The following NLGN4X variants were observed in gnomAD, a reference collection of about 807,000 sequenced individuals.
NLGN4X encodes the protein neuroligin 4 X-linked, also known as neuroligin-4, X-linked.
A neutral mutation model predicts 40.3 loss-of-function variants in NLGN4X; 3 were observed. That is an observed-to-expected ratio of 0.07 (90% CI 0.03 to 0.19). The LOEUF (loss-of-function observed/expected upper bound fraction) is 0.19. Ranked by LOEUF, NLGN4X falls within the 10% of genes least tolerant of loss-of-function variation. The probability of loss-of-function intolerance (pLI) is 1.00; values close to 1 mark genes in which losing one functional copy is unlikely to be tolerated. For missense variants in NLGN4X, 382 were observed against 708.3 expected (o/e 0.54, Z 5.23); for synonymous variants, 270 against 306.8 (o/e 0.88, Z 1.25).
At chrX:6,110,248 G>A (rs1311716791) in intron 2 of NLGN4X, among the ~76,000 whole-genome samples, 1 of 111,545 alleles carries the variant, frequency 9.0e-6, no homozygotes, top group Non-Finnish European at 1.9e-5. Flanking sequence ...AGGGGGTGGG[G>A]GCAGGCTGCT....
chrX:6,026,523 G>A (rs758942691), intron 3 of NLGN4X, among the ~76,000 whole-genome samples: 5 of 111,514 alleles, frequency 4.5e-5, no homozygotes, highest in South Asian at 7.6e-4. Flanking sequence ...AGTAAATGCC[G>A]CCTAGCTGTT....
chrX:6,220,595 G>A (rs1233446571), intron 1 of NLGN4X, among the ~76,000 whole-genome samples: 1 of 108,160 alleles, frequency 9.2e-6, no homozygotes, highest in Non-Finnish European at 1.9e-5. Context: ...GAAAAAAAAA[G>A]CTTCCAGGAG....
rs775949619 is a variant in NLGN4X at position 6,006,347 on chromosome X, T to C, written c.625+22933A>G. On this transcript the variant is annotated intron_variant, in intron 3 of 5. Transcript: ENST00000381095. Reference sequence around the variant, plus strand: ...TGTGGGCAGATATCTAATAGTTGCATATGCAGCTGAAAATATAAAGTAATC... The same window carrying C: ...TGTGGGCAGATATCTAATAGTTGCACATGCAGCTGAAAATATAAAGTAATC... 3.6e-5 allele frequency among the ~76,000 whole-genome samples: 4 copies of C among 110,942 alleles called. No individual in the cohort carries two copies. In the South Asian group the frequency reaches 1.5e-3, roughly 42 times the overall value.
Position 5,945,573 on chromosome X carries a change from T to C in NLGN4X, c.626-36334A>G, listed in dbSNP as rs889205743. Among the ~76,000 whole-genome samples, 8 of 111,557 alleles carry C rather than the reference T, an allele frequency of 7.2e-5. No individual in the cohort carries two copies. The East Asian group carries it at 2.3e-3, about 32-fold the overall frequency. On this transcript the variant is annotated intron_variant, in intron 3 of 5. Coordinates refer to ENST00000381095, the MANE Select transcript of NLGN4X (RefSeq NM_181332.3). Reference sequence around the variant, plus strand: ...ACATAAATACATGATTTCACAGCCATGGCGCTTGTCTGGAATCAGGAAACA... The same window carrying C: ...ACATAAATACATGATTTCACAGCCACGGCGCTTGTCTGGAATCAGGAAACA...
chrX:6,126,031 A>G (rs1484827233), intron 2 of NLGN4X, among the ~76,000 whole-genome samples: 4 of 111,060 alleles, frequency 3.6e-5, no homozygotes, highest in Non-Finnish European at 5.7e-5. Flanking sequence ...CCCGAAATTG[A>G]ATATATATTT....
intron 2 of NLGN4X, among the ~76,000 whole-genome samples, chrX:6,135,846 G>C (rs983275607): frequency 6.3e-5 from 7 of 111,729 alleles, no homozygotes; most frequent in Non-Finnish European, 1.3e-4. Flanking sequence ...GCAATGATTA[G>C]ACCTGAGGAC....
At chrX:5,986,475 A>G (rs1386107207) in intron 3 of NLGN4X, among the ~76,000 whole-genome samples, 1 of 112,325 alleles carries the variant, frequency 8.9e-6, no homozygotes, top group Non-Finnish European at 1.9e-5. Flanking sequence ...CAGATAAAAT[A>G]AAAGGAAATC....
intron 2 of NLGN4X, among the ~76,000 whole-genome samples, chrX:6,056,402 G>C (rs1200138019): frequency 9.0e-6 from 1 of 110,604 alleles, no homozygotes; most frequent in Non-Finnish European, 1.9e-5. Flanking sequence ...TTTGAACCTG[G>C]GAGGCGGAGG....
At chrX:6,147,349 A>T (rs2040071191) in intron 2 of NLGN4X, among the ~76,000 whole-genome samples, 1 of 111,589 alleles carries the variant, frequency 9.0e-6, no homozygotes, top group Admixed American at 9.6e-5. Context: ...ATCTTGTCTG[A>T]GCAACTCCTT....
intron 3 of NLGN4X, among the ~76,000 whole-genome samples, chrX:5,993,629 A>AC (rs2035743635): frequency 8.9e-6 from 1 of 112,305 alleles, no homozygotes; most frequent in Admixed American, 9.4e-5. Flanking sequence ...GGCTGGCCAC[A>AC]CCATACTTGG....
chrX:5,923,378 C>A (rs993655203), intron 3 of NLGN4X, among the ~76,000 whole-genome samples: 15 of 112,513 alleles, frequency 1.3e-4, no homozygotes, highest in African/African-American at 4.2e-4. Flanking sequence ...AAAGCTCAAG[C>A]GATCTGCCTG....
intron 3 of NLGN4X, among the ~76,000 whole-genome samples, chrX:5,968,832 C>T (rs1271118344): frequency 9.2e-6 from 1 of 109,115 alleles, no homozygotes; most frequent in Admixed American, 9.9e-5. Context: ...ATGTCTCCCC[C>T]ACCTATTTCT....
In NLGN4X at chrX:5,893,235, G is replaced by A. The variant is rs2146685028; in HGVS notation, c.2033C>T (p.Thr678Ile). The change falls in exon 6 of 6, where the codon ACC (threonine) becomes ATC (isoleucine). Residue 678 changes from threonine to isoleucine, a missense_variant. Physicochemically the swap from Thr to Ile is moderately conservative, Grantham distance 89. This residue lies in a region of NLGN4X where 149 missense variants were observed against 375.8 expected (regional missense o/e 0.40). Coordinates refer to ENST00000381095, the MANE Select transcript of NLGN4X (RefSeq NM_181332.3). Reference protein sequence around the residue: ...KRDYSTELSVTIAVGASLLFL... With the variant: ...KRDYSTELSVIIAVGASLLFL... Reference sequence around the variant, plus strand: ...GAGGAGCGACGCCCCGACGGCAATGGTGACACTTAATTCGGTGGAATAATC... The same window carrying A: ...GAGGAGCGACGCCCCGACGGCAATGATGACACTTAATTCGGTGGAATAATC... 1 of 1,211,371 alleles carries A rather than the reference G, an allele frequency of 8.3e-7. No homozygotes were observed. Among genetic ancestry groups the A allele is most frequent in the Non-Finnish European group, 1.1e-6 (1 of 895,408 alleles).
intron 2 of NLGN4X, among the ~76,000 whole-genome samples, chrX:6,142,666 A>G (rs762940518): frequency 2.7e-5 from 3 of 112,418 alleles, no homozygotes; most frequent in South Asian, 7.4e-4. Flanking sequence ...GTGTCTAGAC[A>G]AGAAGAGAAA....
chrX:5,890,238 T>C lies in NLGN4X; in HGVS notation c.*2579A>G, dbSNP rs893777965. On this transcript the variant is annotated 3_prime_UTR_variant, in exon 6 of 6. Coordinates refer to ENST00000381095, the MANE Select transcript of NLGN4X (RefSeq NM_181332.3). ...AAGCCTAGGACAGGATTTTTTTTTT[T>C]CTTACTTTTTTCTCATTTTTTTTCT... is the stretch of plus-strand genomic sequence containing the variant. 4.1e-5 allele frequency: 7 copies of C among 171,444 alleles called. No individual in the cohort carries two copies. Among genetic ancestry groups the C allele is most frequent in the Non-Finnish European group, 7.5e-5 (7 of 93,803 alleles). 14.1% of individuals were successfully genotyped at this position (171,444 alleles called of 1,213,427 possible). A position where few individuals can be genotyped will look rare whatever the true frequency, so the allele number is the denominator to read the frequency against.
In NLGN4X at chrX:5,903,884, T is replaced by C. The variant is rs9698743; in HGVS notation, c.812-18A>G. 3.1e-5 allele frequency: 38 copies of C among 1,209,653 alleles called. No individual in the cohort carries two copies. Among genetic ancestry groups the C allele is most frequent in the African/African-American group, 1.7e-4 (10 of 57,260 alleles). The stretch of plus-strand genomic sequence containing the variant: ...GAAGAGACCTGCAGGTGCAAAATTG[T>C]GGACATGCAAATGAAAACCCACAGG... On this transcript the variant is annotated intron_variant, in intron 4 of 5. Transcript: ENST00000381095.
intron 2 of NLGN4X, among the ~76,000 whole-genome samples, chrX:6,104,823 C>T (rs1457393793): frequency 9.0e-6 from 1 of 111,049 alleles, no homozygotes; most frequent in African/African-American, 3.3e-5. Context: ...AGGTCAGGAG[C>T]ACGGACAATG....
intron 3 of NLGN4X, among the ~76,000 whole-genome samples, chrX:6,016,739 T>C (rs2036405643): frequency 9.0e-6 from 1 of 111,363 alleles, no homozygotes; most frequent in Non-Finnish European, 1.9e-5. Flanking sequence ...AACAGATGGA[T>C]GGATAAACAA....
chrX:5,973,011 T>G (rs757634084), intron 3 of NLGN4X, among the ~76,000 whole-genome samples: 1 of 112,581 alleles, frequency 8.9e-6, no homozygotes, highest in African/African-American at 3.2e-5. Flanking sequence ...ATATATAGAT[T>G]GCTTTTAATA....
Sources: allele counts gnomAD v4.1 joint callset (sites outside exome capture counted in the v4.1 genomes callset), GRCh38; gene constraint gnomAD v4.1.1; regional missense constraint gnomAD v4.1.1; transcripts MANE v1.5; gene names NCBI Gene and HGNC (gene_info 2026-07-23, HGNC 2026-07-21).